The following DRC9 variants were observed in gnomAD, a reference collection of about 807,000 sequenced individuals.
DRC9 encodes the protein dynein regulatory complex protein 9.
chr3:197,926,823 G>T, the DRC9 span, among the ~76,000 whole-genome samples: 2 of 152,222 alleles, frequency 1.3e-5, no homozygotes, highest in East Asian at 1.9e-4. Context: ...CTTCACTGGG[G>T]GTCAGCCTTG....
At chr3:197,892,469 C>G in the DRC9 span, among the ~76,000 whole-genome samples, 3 of 152,150 alleles carry the variant, frequency 2.0e-5, no homozygotes, top group Non-Finnish European at 4.4e-5. Flanking sequence ...ATAGCAATAC[C>G]CAGCTACTGT....
chr3:197,948,506 C>T, the DRC9 span, among the ~76,000 whole-genome samples: 1 of 152,226 alleles, frequency 6.6e-6, no homozygotes, highest in South Asian at 2.1e-4. Flanking sequence ...AGTCTCAGTG[C>T]TCAATAAGTA....
At chr3:197,904,249 C>T in the DRC9 span, among the ~76,000 whole-genome samples, 17 of 151,816 alleles carry the variant, frequency 1.1e-4, no homozygotes, top group African/African-American at 3.4e-4. Context: ...GACATCATCT[C>T]GCCCCAGTTA....
At chr3:197,935,853 G>A in the DRC9 span, among the ~76,000 whole-genome samples, 1 of 152,160 alleles carries the variant, frequency 6.6e-6, no homozygotes. Context: ...CTTTCTGCCT[G>A]TAAAGCCAAC....
At chr3:197,954,318 TTTGG>T in the DRC9 span, 15 of 726,496 alleles carry the variant, frequency 2.1e-5, no homozygotes, top group South Asian at 2.6e-4. Context: ...GAATTAGGTG[TTTGG>T]TTGTTTGTTT....
chr3:197,891,516 T>A, the DRC9 span: 8 of 1,601,382 alleles, frequency 5.0e-6, no homozygotes, highest in African/African-American at 1.1e-4. Flanking sequence ...TTCTATACGA[T>A]CTTCAATGAT....
the DRC9 span, chr3:197,913,974 C>A: frequency 6.2e-7 from 1 of 1,614,010 alleles, no homozygotes; most frequent in Non-Finnish European, 8.5e-7. Context: ...TGTAGCGATT[C>A]TCCAAGTTGG....
the DRC9 span, chr3:197,953,943 C>G: frequency 6.3e-7 from 1 of 1,593,458 alleles, no homozygotes; most frequent in East Asian, 2.2e-5. Context: ...TAGAGGTCAC[C>G]TTGAATTTGT....
chr3:197,912,915 G>T, the DRC9 span: 1 of 644,432 alleles, frequency 1.6e-6, no homozygotes. Context: ...GCAGAGCCAC[G>T]TGGCGCGGCA....
the DRC9 span, among the ~76,000 whole-genome samples, chr3:197,946,341 A>G: frequency 6.7e-6 from 1 of 148,832 alleles, no homozygotes; most frequent in Non-Finnish European, 1.5e-5. Context: ...AGGCTGAGGC[A>G]GGAGAATGGC....
At chr3:197,923,261 G>A in the DRC9 span, among the ~76,000 whole-genome samples, 1 of 152,168 alleles carries the variant, frequency 6.6e-6, no homozygotes, top group Non-Finnish European at 1.5e-5. Flanking sequence ...TAGGACTACA[G>A]ATGTGTACTA....
the DRC9 span, chr3:197,954,347 G>A: frequency 3.3e-6 from 2 of 599,336 alleles, no homozygotes; most frequent in Non-Finnish European, 5.9e-6. Context: ...TTTTTTTTTT[G>A]GGGGGAGACA....
At chr3:197,897,825 G>A in the DRC9 span, among the ~76,000 whole-genome samples, 7 of 147,416 alleles carry the variant, frequency 4.7e-5, no homozygotes, top group Admixed American at 4.7e-4. Flanking sequence ...AGGCTGGAGT[G>A]CGGTGGCCCA....
chr3:197,950,204 A>ATCTTGGCTCCTGTGGAGGTGAG, the DRC9 span: 1 of 1,231,580 alleles, frequency 8.1e-7, no homozygotes, highest in East Asian at 3.2e-5. Flanking sequence ...TCTTACCGCC[A>ATCTTGGCTCCTGTGGAGGTGAG]TCTTGGCTCC....
chr3:197,901,298 C>T, the DRC9 span, among the ~76,000 whole-genome samples: 815 of 152,272 alleles, frequency 5.4e-3, 6 homozygotes, highest in Non-Finnish European at 7.3e-3. The surrounding 1 kb of genome is among the most constrained non-coding windows in gnomAD (Gnocchi z 4.4). Context: ...CCACCATGCC[C>T]GGCTAATGTC....
chr3:197,940,514 A>C, the DRC9 span, among the ~76,000 whole-genome samples: 1 of 152,118 alleles, frequency 6.6e-6, no homozygotes, highest in African/African-American at 2.4e-5. Context: ...TAATACATGA[A>C]AATGTATCTG....
chr3:197,929,526 C>G, the DRC9 span, among the ~76,000 whole-genome samples: 1 of 152,174 alleles, frequency 6.6e-6, no homozygotes. This position sits in a 1 kb window ranked among gnomAD's most constrained non-coding sequence, Gnocchi z 4.6. Context: ...AAGCCCAACA[C>G]TTTGGGAGGC....
At chr3:197,892,968 T>A in the DRC9 span, among the ~76,000 whole-genome samples, 2 of 152,220 alleles carry the variant, frequency 1.3e-5, no homozygotes, top group Admixed American at 6.5e-5. Context: ...GTTCTCTGTA[T>A]CTTTATCCAG....
the DRC9 span, among the ~76,000 whole-genome samples, chr3:197,902,566 A>G: frequency 1.3e-5 from 2 of 152,028 alleles, no homozygotes; most frequent in South Asian, 2.1e-4. Context: ...GAAAAATGCA[A>G]TTGACATATT....
Sources: gnomAD v4.1 joint callset for allele counts (sites outside exome capture counted in the v4.1 genomes callset) on GRCh38, gnomAD v4.1.1 for gene constraint, Gnocchi (gnomAD v3.1) non-coding constraint, MANE v1.5 for transcripts, NCBI Gene and HGNC (gene_info 2026-07-23, HGNC 2026-07-21) for gene names.